Variants in BPTF observed in about 807,000 individuals in gnomAD.
The protein encoded by BPTF is nucleosome-remodeling factor subunit BPTF.
BPTF carries 18 observed loss-of-function variants against 292.5 expected under a neutral mutation model. The ratio of observed to expected loss-of-function variants is 0.06; its 90% CI spans 0.04 to 0.09. The LOEUF is 0.09. Ranked by LOEUF, BPTF falls within the 10% of genes least tolerant of loss-of-function variation. The pLI, the probability that BPTF is intolerant of heterozygous loss-of-function variation, is 1.00. For synonymous variants in BPTF, 1,225 were observed against 1,251.9 expected, an observed-to-expected ratio of 0.98 and a Z score of 0.45; for missense variants, 2,726 against 3,498.7, an observed-to-expected ratio of 0.78 and a Z score of 5.57.
chr17:67,975,672 G>T, intron 26 of BPTF, 100 bp from the exon 27 acceptor site: 1 of 1,067,228 alleles, frequency 9.4e-7, no homozygotes, highest in Non-Finnish European at 1.3e-6. Flanking sequence ...CTCCAGGACT[G>T]CTTGCACAGT....
chr17:67,855,007 G>A (rs199613205), intron 2 of BPTF, among the ~76,000 whole-genome samples: 24 of 152,154 alleles, frequency 1.6e-4, no homozygotes, highest in African/African-American at 5.8e-4. Flanking sequence ...GAAATAGAAT[G>A]TTTCTAGTTG....
At chr17:67,878,936 AT>A (rs1167378996) in intron 4 of BPTF, among the ~76,000 whole-genome samples, 2 of 152,074 alleles carry the variant, frequency 1.3e-5, no homozygotes, top group Non-Finnish European at 2.9e-5. Context: ...GTTATATATT[AT>A]AGCATCCAGT....
intron 9 of BPTF, 61 bp downstream of exon 9, chr17:67,904,901 T>A: frequency 1.5e-6 from 2 of 1,328,942 alleles, no homozygotes; most frequent in Non-Finnish European, 2.0e-6. Context: ...CTTATAAATT[T>A]GTAGTATTTT....
intron 3 of BPTF, among the ~76,000 whole-genome samples, chr17:67,869,306 G>C (rs1005282130): frequency 2.4e-4 from 36 of 152,092 alleles, no homozygotes; most frequent in African/African-American, 6.3e-4. Flanking sequence ...AATATTTTCT[G>C]TGTGTTAGAT....
chr17:67,911,837 A>C lies in BPTF; in HGVS notation c.3953A>C (p.Gln1318Pro). 1 of 1,614,182 alleles carries C rather than the reference A, an allele frequency of 6.2e-7. No individual in the cohort carries two copies. Residue 1318 changes from glutamine (Q) to proline (P), a missense_variant, in exon 11 of 28, where the codon CAG becomes CCG. Physicochemically the swap from Gln to Pro is moderately conservative, Grantham distance 76. This residue lies in a region of BPTF where 713 missense variants were observed against 714.9 expected (regional missense o/e 1.00). Transcript: ENST00000306378. ...VQNSNESISE[Q>P]FRTREQDVEV... ...AATAGCAATGAAAGCATTTCTGAAC[A>C]GTTCAGAACTCGAGAACAAGATGTT...
At chr17:67,883,023 A>G (rs998653716) in intron 4 of BPTF, among the ~76,000 whole-genome samples, 2 of 150,886 alleles carry the variant, frequency 1.3e-5, no homozygotes, top group Non-Finnish European at 3.0e-5. Context: ...AAAAAAAAGA[A>G]AAGAAAAAAG....
Position 67,893,449 on chromosome 17 carries a change from A to G in BPTF, c.2135A>G (p.Asn712Ser), listed in dbSNP as rs746640626. 88 of 1,614,086 alleles carry G rather than the reference A, an allele frequency of 5.5e-5. No individual in the cohort carries two copies. Among genetic ancestry groups the G allele is most frequent in the Admixed American group, 1.5e-4 (9 of 60,000 alleles). ...GTGATCATGAAAGGAAATATCAACA[A>G]TTATTTTAAATTGGGTCAAGAAGGG... is the stretch of plus-strand genomic sequence containing the variant. ...KEVIMKGNIN[N>S]YFKLGQEGKY... The change falls in exon 6 of 28, where the codon AAT becomes AGT. Residue 712 changes from asparagine to serine, a missense_variant. This residue lies in a region of BPTF where 63 missense variants were observed against 84.1 expected (regional missense o/e 0.75). Coordinates refer to ENST00000306378, the MANE Select transcript of BPTF (RefSeq NM_182641.4).
At position 67,929,327 on chromosome 17, in the gene BPTF, T is replaced by C. The variant is rs1440207781; in HGVS notation, c.5999-9T>C. The C allele has an allele frequency of 6.2e-7, 1 of 1,612,902 alleles. No homozygotes were observed. Among genetic ancestry groups the C allele is most frequent in the Non-Finnish European group, 8.5e-7 (1 of 1,179,590 alleles). ...ATAGTTTTTAATTATGGCTTCATCT[T>C]TTTTTAAGGCGTTGTTCAAGTACAG... On this transcript the variant is annotated splice_polypyrimidine_tract_variant and intron_variant, in intron 16 of 27. Transcript: ENST00000306378.
At chr17:67,980,339 T>C (rs1287889115) in intron 27 of BPTF, among the ~76,000 whole-genome samples, 3 of 152,076 alleles carry the variant, frequency 2.0e-5, no homozygotes, top group Admixed American at 1.3e-4. Context: ...TGAGGCTCCA[T>C]CTCAAAAAGA....
chr17:67,922,599 C>T (rs559390418), intron 13 of BPTF, among the ~76,000 whole-genome samples: 2 of 152,240 alleles, frequency 1.3e-5, no homozygotes, highest in African/African-American at 4.8e-5. Flanking sequence ...AAACCACAGC[C>T]CATGAGCCTT....
At chr17:67,846,302 C>T (rs2144667475) in intron 1 of BPTF, among the ~76,000 whole-genome samples, 1 of 152,306 alleles carries the variant, frequency 6.6e-6, no homozygotes, top group East Asian at 1.9e-4. Context: ...GCAGCCTGGG[C>T]AGCATAGAGG....
intron 3 of BPTF, among the ~76,000 whole-genome samples, chr17:67,869,220 G>A (rs2059563147): frequency 6.6e-6 from 1 of 152,044 alleles, no homozygotes; most frequent in Admixed American, 6.6e-5. Flanking sequence ...TCCTCTAAAA[G>A]GCAATGTGAG....
intron 23 of BPTF, chr17:67,956,869 C>G (rs2148226776): frequency 6.6e-6 from 1 of 152,276 alleles, no homozygotes; most frequent in East Asian, 1.9e-4. Context: ...TAGGCTGAGG[C>G]AGGAGAATGG....
intron 1 of BPTF, among the ~76,000 whole-genome samples, chr17:67,845,971 AG>A (rs2058000852): frequency 1.3e-5 from 2 of 152,218 alleles, no homozygotes; most frequent in East Asian, 3.9e-4. Context: ...TATCTTTCAA[AG>A]GCTAAAAGAC....
At position 67,947,975 on chromosome 17, in the gene BPTF, A is replaced by G. The variant is rs1476658321; in HGVS notation, c.7701-106A>G. 9 of 1,295,148 alleles carry G rather than the reference A, an allele frequency of 6.9e-6. No individual in the cohort carries two copies. In the African/African-American group the frequency reaches 1.3e-4, roughly 19 times the overall value. The allele number at this position is 1,295,148 out of a possible 1,614,324, so 80.2% of individuals were successfully genotyped here. A position where few individuals can be genotyped will look rare whatever the true frequency, so the allele number is the denominator to read the frequency against. ...GTTTGAACCACTCTTGACGTTTTCCAGTCACAGAAAGTTTTTGTCTCATCT... is the reference window on the plus strand; with the variant it reads ...GTTTGAACCACTCTTGACGTTTTCCGGTCACAGAAAGTTTTTGTCTCATCT... On this transcript the variant is annotated intron_variant, in intron 22 of 27. Coordinates refer to ENST00000306378, the MANE Select transcript of BPTF (RefSeq NM_182641.4).
At chr17:67,826,588 C>G (rs1425268721) in intron 1 of BPTF, among the ~76,000 whole-genome samples, 2 of 147,976 alleles carry the variant, frequency 1.4e-5, no homozygotes, top group East Asian at 2.0e-4. Flanking sequence ...TCTCCCCCCC[C>G]CAACCCCCTT....
rs779611691 is a variant in BPTF, at chr17:67,854,038, G to A, written c.712G>A (p.Val238Met). 3 of 1,614,156 alleles carry A rather than the reference G, an allele frequency of 1.9e-6. No homozygotes were observed. Among genetic ancestry groups the A allele is most frequent in the South Asian group, 2.2e-5 (2 of 91,090 alleles). The change falls in exon 2 of 28, where the codon GTG becomes ATG. Residue 238 changes from valine to methionine, a missense_variant. Around this residue, in one of 22 missense-constraint regions of BPTF, gnomAD observed 102 missense variants for 212.6 expected, o/e 0.48. Transcript: ENST00000306378. The surrounding 1 kb of genome is among the most constrained non-coding windows in gnomAD (Gnocchi z 5.6). ...TCCCAAGTCCTCTGAGGATTTAATG[G>A]TGCCTAATGAGCATATAATGAATGT... Reference protein sequence around the residue: ...EFPKSSEDLMVPNEHIMNVIA... With the variant: ...EFPKSSEDLMMPNEHIMNVIA...
intron 1 of BPTF, among the ~76,000 whole-genome samples, chr17:67,846,098 T>C (rs1318854263): frequency 6.6e-6 from 1 of 152,236 alleles, no homozygotes; most frequent in Non-Finnish European, 1.5e-5. Context: ...TGATGAACCA[T>C]TGTATTTAGT....
chr17:67,958,544 A>G (rs985117301), intron 23 of BPTF, among the ~76,000 whole-genome samples: 2 of 152,208 alleles, frequency 1.3e-5, no homozygotes, highest in African/African-American at 4.8e-5. Context: ...CCTAGCCAAC[A>G]TAATGAAACT....
Sources: gnomAD v4.1 joint callset for allele counts (sites outside exome capture counted in the v4.1 genomes callset) on GRCh38, gnomAD v4.1.1 for gene constraint, gnomAD v4.1.1 regional missense constraint, Gnocchi (gnomAD v3.1) non-coding constraint, MANE v1.5 for transcripts, NCBI Gene and HGNC (gene_info 2026-07-23, HGNC 2026-07-21) for gene names.